Variants in CACNA1D observed in about 807,000 individuals in gnomAD.
The protein encoded by CACNA1D is calcium voltage-gated channel subunit alpha1 D.
CACNA1D carries 55 observed loss-of-function variants against 257.1 expected under a neutral mutation model. The observed-to-expected ratio is 0.21, with a 90% CI of 0.17 to 0.27. The LOEUF (loss-of-function observed/expected upper bound fraction) is 0.27, where lower values mean the gene tolerates loss of function less well. CACNA1D is among the 10% of genes least tolerant of loss of function. The pLI is 1.00. For missense variants in CACNA1D, 1,876 were observed against 2,784.0 expected, an observed-to-expected ratio of 0.67 and a Z score of 7.34; for synonymous variants, 980 against 1,014.9, an observed-to-expected ratio of 0.97 and a Z score of 0.65.
chr3:53,653,282 A>G (rs918546562), intron 4 of CACNA1D, among the ~76,000 whole-genome samples: 11 of 152,282 alleles, frequency 7.2e-5, no homozygotes, highest in Non-Finnish European at 1.5e-4. Flanking sequence ...TGCTAACTGA[A>G]CTGCCTGCCA....
chr3:53,530,203 T>C (rs1238375201), intron 3 of CACNA1D: 1 of 152,208 alleles, frequency 6.6e-6, no homozygotes, highest in Non-Finnish European at 1.5e-5. Flanking sequence ...GTAGAAATCG[T>C]TTATTAAATA....
At chr3:53,759,681 G>A (rs1166272729) in intron 29 of CACNA1D, among the ~76,000 whole-genome samples, 1 of 152,258 alleles carries the variant, frequency 6.6e-6, no homozygotes, top group Non-Finnish European at 1.5e-5. Context: ...CCCTCCAAGT[G>A]TGGTCTGTGG....
intron 39 of CACNA1D, among the ~76,000 whole-genome samples, chr3:53,784,226 C>T (rs942723103): frequency 5.3e-5 from 8 of 152,190 alleles, no homozygotes; most frequent in Non-Finnish European, 7.3e-5. Context: ...TCAGCCTTCC[C>T]GTGCCATCTT....
intron 3 of CACNA1D, among the ~76,000 whole-genome samples, chr3:53,586,121 T>C (rs988883708): frequency 2.6e-5 from 4 of 152,146 alleles, no homozygotes; most frequent in Non-Finnish European, 4.4e-5. Flanking sequence ...TGTTGGAAAG[T>C]GACCTCTCCT....
chr3:53,713,543 T>TGTGTGTGTGTGTGTGTGTGA (rs377132134), intron 9 of CACNA1D, among the ~76,000 whole-genome samples: 19 of 120,926 alleles, frequency 1.6e-4, no homozygotes, highest in African/African-American at 5.8e-4. Flanking sequence ...TGTGTGTGTG[T>TGTGTGTGTGTGTGTGTGTGA]GAGAGATTTG....
chr3:53,705,985 A>C lies in CACNA1D; in HGVS notation c.1390+3175A>C, dbSNP rs150422950. ...GCCAGGTCTGGGGCTGTCTCTGTGC[A>C]TCTGATTAGCAGGCAGTAGAAATGT... On this transcript the variant is annotated intron_variant, in intron 9 of 47. Transcript: ENST00000350061. Among the ~76,000 whole-genome samples, 37 of 152,330 alleles carry C rather than the reference A, an allele frequency of 2.4e-4. No homozygotes were observed. In the East Asian group the frequency reaches 6.8e-3, roughly 28 times the overall value.
chr3:53,627,994 T>G (rs2093779064), intron 3 of CACNA1D, among the ~76,000 whole-genome samples: 1 of 152,088 alleles, frequency 6.6e-6, no homozygotes, highest in South Asian at 2.1e-4. Context: ...CATTCCAGCC[T>G]GGGTGACAGA....
intron 3 of CACNA1D, among the ~76,000 whole-genome samples, chr3:53,601,560 A>G (rs577719081): frequency 1.3e-5 from 2 of 152,324 alleles, no homozygotes; most frequent in South Asian, 2.1e-4. Flanking sequence ...AACTTTAGCC[A>G]TCCTGGATAA....
chr3:53,675,162 G>A (rs2633708), intron 8 of CACNA1D, among the ~76,000 whole-genome samples: 7 of 152,192 alleles, frequency 4.6e-5, no homozygotes, highest in Admixed American at 2.0e-4. Flanking sequence ...GCCAGTGCCC[G>A]CCAGAGAGAG....
At chr3:53,552,248 T>C (rs1190261377) in intron 3 of CACNA1D, among the ~76,000 whole-genome samples, 2 of 152,194 alleles carry the variant, frequency 1.3e-5, no homozygotes, top group African/African-American at 2.4e-5. Context: ...GTGAGAATGC[T>C]CAGGGCTTGG....
intron 3 of CACNA1D, among the ~76,000 whole-genome samples, chr3:53,534,249 G>A (rs967813217): frequency 5.9e-5 from 9 of 152,162 alleles, no homozygotes; most frequent in African/African-American, 9.7e-5. Context: ...GGCAGGCCTC[G>A]CCTCCCTGCC....
chr3:53,574,324 C>T (rs796570865), intron 3 of CACNA1D, among the ~76,000 whole-genome samples: 1 of 152,188 alleles, frequency 6.6e-6, no homozygotes, highest in Non-Finnish European at 1.5e-5. Context: ...TGCTCATTCT[C>T]CTTTGAACCC....
chr3:53,691,889 T>TATATATATTACATATAATATATATA (rs1559523241), intron 8 of CACNA1D, among the ~76,000 whole-genome samples: 5 of 97,780 alleles, frequency 5.1e-5, no homozygotes, highest in African/African-American at 1.8e-4. Context: ...TAATATATAT[T>TATATATATTACATATAATATATATA]ATATATATTA....
Position 53,805,109 on chromosome 3 carries a change from A to T in CACNA1D, c.5712A>T (p.Arg1904Ser), listed in dbSNP as rs1280039142. ...CGCCCGTTTGCTATGATTCACGGAGATCTCCAAGGAGACGCCTACTACCTC... is the reference window on the plus strand; with the variant it reads ...CGCCCGTTTGCTATGATTCACGGAGTTCTCCAAGGAGACGCCTACTACCTC... Reference protein sequence around the residue: ...DDSPVCYDSRRSPRRRLLPPT... With the variant: ...DDSPVCYDSRSSPRRRLLPPT... Residue 1904 changes from arginine (R) to serine (S), a missense_variant, in exon 45 of 48, where the codon AGA becomes AGT. By Grantham distance (110) the Arg-to-Ser change is moderately radical. Coordinates refer to ENST00000350061, the MANE Select transcript of CACNA1D (RefSeq NM_001128840.3). 6.2e-7 allele frequency: 1 copy of T among 1,613,918 alleles called. No individual in the cohort carries two copies. Among genetic ancestry groups the T allele is most frequent in the Non-Finnish European group, 8.5e-7 (1 of 1,180,032 alleles).
intron 11 of CACNA1D, among the ~76,000 whole-genome samples, chr3:53,721,500 C>T (rs187685489): frequency 6.6e-6 from 1 of 152,200 alleles, no homozygotes; most frequent in African/African-American, 2.4e-5. Context: ...ACCAAAGCAT[C>T]CCCTTGTGGC....
Position 53,811,070 on chromosome 3 carries a change from C to T in CACNA1D, c.6193-43C>T. The T allele has an allele frequency of 6.5e-7, 1 of 1,535,928 alleles. No individual in the cohort carries two copies. Among genetic ancestry groups the T allele is most frequent in the East Asian group, 2.2e-5 (1 of 44,490 alleles). On this transcript the variant is annotated intron_variant, in intron 47 of 47. Coordinates refer to ENST00000350061, the MANE Select transcript of CACNA1D (RefSeq NM_001128840.3). The surrounding 1 kb of genome is among the most constrained non-coding windows in gnomAD (Gnocchi z 4.2). Reference sequence around the variant, plus strand: ...TCTGTCGTCCCCCTGCCCTGCAAAGCCTTATAACACCCCCATGCCATCCAT... The same window carrying T: ...TCTGTCGTCCCCCTGCCCTGCAAAGTCTTATAACACCCCCATGCCATCCAT...
At chr3:53,680,368 A>G (rs1019466957) in intron 8 of CACNA1D, among the ~76,000 whole-genome samples, 3 of 150,730 alleles carry the variant, frequency 2.0e-5, no homozygotes, top group Non-Finnish European at 4.4e-5. Context: ...TTAATAATGT[A>G]CAGAAAGACC....
intron 3 of CACNA1D, among the ~76,000 whole-genome samples, chr3:53,505,576 C>G (rs2090810210): frequency 6.6e-6 from 1 of 152,244 alleles, no homozygotes; most frequent in Non-Finnish European, 1.5e-5. Context: ...AGAAGCGCCA[C>G]CATCATTCCT....
chr3:53,687,777 A>G (rs542115896), intron 8 of CACNA1D, among the ~76,000 whole-genome samples: 33 of 152,348 alleles, frequency 2.2e-4, no homozygotes, highest in African/African-American at 7.7e-4. Context: ...TAGATGAGCA[A>G]CTCAAAAATT....
Sources: gnomAD v4.1 joint callset for allele counts (sites outside exome capture counted in the v4.1 genomes callset) on GRCh38, gnomAD v4.1.1 for gene constraint, Gnocchi (gnomAD v3.1) non-coding constraint, MANE v1.5 for transcripts, NCBI Gene and HGNC (gene_info 2026-07-23, HGNC 2026-07-21) for gene names.